EPC1: variants seen among roughly 807,000 people sequenced by gnomAD.
The protein encoded by EPC1 is enhancer of polycomb 1.
In EPC1, 12 loss-of-function variants were observed where a neutral mutation model predicts 98.4. The observed-to-expected ratio is 0.12, with a 90% CI of 0.08 to 0.20. The LOEUF (loss-of-function observed/expected upper bound fraction) is 0.20, where lower values mean the gene tolerates loss of function less well. Ranked by LOEUF, EPC1 falls within the 10% of genes least tolerant of loss-of-function variation. The pLI is 1.00. For missense variants in EPC1, 729 were observed against 990.5 expected (o/e 0.74, Z 3.54); for synonymous variants, 357 against 363.9 (o/e 0.98, Z 0.21).
At chr10:32,347,175 C>T, upstream of EPC1, 1 of 1,348,144 alleles carries the variant, frequency 7.4e-7, no homozygotes, top group Non-Finnish European at 9.5e-7. Flanking sequence ...TTCAGCCAAC[C>T]CCAGCCATTC....
At chr10:32,329,688 T>G (rs574101271) in intron 1 of EPC1, among the ~76,000 whole-genome samples, 8 of 152,198 alleles carry the variant, frequency 5.3e-5, no homozygotes, top group Non-Finnish European at 1.2e-4. Context: ...TAGAAACACA[T>G]GAATAAATTA....
upstream of EPC1, among the ~76,000 whole-genome samples, chr10:32,348,859 A>G (rs1839024552): frequency 6.6e-6 from 1 of 152,188 alleles, no homozygotes; most frequent in Admixed American, 6.5e-5. Context: ...GTGGCGCCCA[A>G]CCCAGGAGAG....
chr10:32,292,454 A>C (rs1271813086), intron 5 of EPC1, 42 bp downstream of exon 5: 2 of 1,381,496 alleles, frequency 1.4e-6, no homozygotes. Flanking sequence ...CAAAATGTTA[A>C]TGGCACTATA....
intron 1 of EPC1, among the ~76,000 whole-genome samples, chr10:32,332,931 A>T (rs574461634): frequency 6.0e-4 from 91 of 152,326 alleles, no homozygotes; most frequent in African/African-American, 2.1e-3. Flanking sequence ...GGTATTTCAT[A>T]AGGCTACAAG....
chr10:32,320,227 C>CTT (rs201634644), intron 1 of EPC1, among the ~76,000 whole-genome samples: 2 of 150,754 alleles, frequency 1.3e-5, no homozygotes, highest in South Asian at 2.1e-4. Flanking sequence ...AGCAAAAGGA[C>CTT]TTTTTTTTTA....
chr10:32,323,092 C>T (rs980882690), intron 1 of EPC1, among the ~76,000 whole-genome samples: 1 of 143,088 alleles, frequency 7.0e-6, no homozygotes, highest in South Asian at 2.4e-4. Flanking sequence ...ATCAAAATAT[C>T]ACATGTACCC....
intron 2 of EPC1, among the ~76,000 whole-genome samples, chr10:32,303,777 C>T (rs1191692206): frequency 6.6e-6 from 1 of 152,198 alleles, no homozygotes; most frequent in Non-Finnish European, 1.5e-5. Flanking sequence ...AACACACACA[C>T]ACATATGTGG....
At chr10:32,319,091 A>T (rs189494475) in intron 1 of EPC1, among the ~76,000 whole-genome samples, 1 of 151,736 alleles carries the variant, frequency 6.6e-6, no homozygotes, top group Admixed American at 6.6e-5. Flanking sequence ...TCCATCTATA[A>T]CTCTTCTCCC....
chr10:32,375,834 A>AGTTCT (rs1424668836), intron 1 of EPC1, among the ~76,000 whole-genome samples: 1 of 152,014 alleles, frequency 6.6e-6, no homozygotes, highest in Non-Finnish European at 1.5e-5. Flanking sequence ...AGCAACTGTT[A>AGTTCT]CCATGAAAGA....
At chr10:32,288,512 G>A (rs746630311) in intron 6 of EPC1, among the ~76,000 whole-genome samples, 8 of 151,808 alleles carry the variant, frequency 5.3e-5, no homozygotes, top group South Asian at 2.1e-4. Flanking sequence ...ATTTGCGCTC[G>A]CTAATTTTTT....
chr10:32,354,844 T>G (rs966470701), intron 1 of EPC1, among the ~76,000 whole-genome samples: 2 of 152,100 alleles, frequency 1.3e-5, no homozygotes, highest in African/African-American at 4.8e-5. Context: ...TATTCTGAGC[T>G]GCACATTGAG....
intron 1 of EPC1, among the ~76,000 whole-genome samples, chr10:32,376,826 T>G (rs1839880185): frequency 6.6e-6 from 1 of 152,136 alleles, no homozygotes; most frequent in South Asian, 2.1e-4. Context: ...TATGGAAAAG[T>G]GGTCTAGTGT....
intron 6 of EPC1, among the ~76,000 whole-genome samples, chr10:32,289,439 G>A (rs567192334): frequency 7.4e-6 from 1 of 135,544 alleles, no homozygotes; most frequent in East Asian, 2.2e-4. Flanking sequence ...AAAAGTCCAG[G>A]CTGGGGAAAT....
At chr10:32,305,747 A>G (rs750335732) in intron 2 of EPC1, 25 bp downstream of exon 2, 1 of 1,539,948 alleles carries the variant, frequency 6.5e-7, no homozygotes, top group Non-Finnish European at 8.7e-7. Flanking sequence ...TAGAAAATAC[A>G]ATCATTAAGA....
chr10:32,273,554 T>C (rs1235832821), intron 10 of EPC1, among the ~76,000 whole-genome samples: 1 of 151,634 alleles, frequency 6.6e-6, no homozygotes. Context: ...TCAACACCAC[T>C]ATTTTTTTTT....
At chr10:32,344,705 G>T (rs1374381360) in intron 1 of EPC1, among the ~76,000 whole-genome samples, 2 of 152,232 alleles carry the variant, frequency 1.3e-5, no homozygotes, top group South Asian at 4.1e-4. Flanking sequence ...AGAATCACTT[G>T]AACTCGGGAG....
At chr10:32,362,905 T>C (rs1261472891) in intron 1 of EPC1, among the ~76,000 whole-genome samples, 1 of 152,154 alleles carries the variant, frequency 6.6e-6, no homozygotes, top group Non-Finnish European at 1.5e-5. Flanking sequence ...TCTCCTAAGC[T>C]AGCTTTAGGA....
At chr10:32,333,554 C>T (rs1158641244) in intron 1 of EPC1, among the ~76,000 whole-genome samples, 3 of 152,128 alleles carry the variant, frequency 2.0e-5, no homozygotes, top group Non-Finnish European at 4.4e-5. Context: ...GCAAACAATG[C>T]TAACATTGAG....
chr10:32,366,571 G>A (rs1839609745), intron 1 of EPC1, among the ~76,000 whole-genome samples: 1 of 151,712 alleles, frequency 6.6e-6, no homozygotes, highest in Admixed American at 6.6e-5. Context: ...TATTAAAATT[G>A]GAAATCAGTA....
Sources: allele counts gnomAD v4.1 joint callset (sites outside exome capture counted in the v4.1 genomes callset), GRCh38; gene constraint gnomAD v4.1.1; transcripts MANE v1.5; gene names NCBI Gene and HGNC (gene_info 2026-07-23, HGNC 2026-07-21).